The following TMEM132B variants were observed in gnomAD, a reference collection of about 807,000 sequenced individuals.
TMEM132B encodes the protein transmembrane protein 132B.
Under a neutral mutation model 90.8 loss-of-function variants are expected in TMEM132B, and 18 were observed. The ratio of observed to expected loss-of-function variants is 0.20; its 90% confidence interval spans 0.14 to 0.29. TMEM132B has a LOEUF of 0.29. Ranked by LOEUF, TMEM132B falls within the 10% of genes least tolerant of loss-of-function variation. The pLI is 1.00. For missense variants in TMEM132B, 1,096 were observed against 1,326.8 expected, an observed-to-expected ratio of 0.83 and a Z score of 2.70; for synonymous variants, 504 against 523.3, an observed-to-expected ratio of 0.96 and a Z score of 0.50.
chr12:125,513,172 A>G (rs1438810403), intron 3 of TMEM132B, among the ~76,000 whole-genome samples: 1 of 152,226 alleles, frequency 6.6e-6, no homozygotes, highest in Non-Finnish European at 1.5e-5. Flanking sequence ...CACTCGGCAC[A>G]TGCTCCTCTG....
At chr12:125,587,258 G>A (rs1462821346) in intron 5 of TMEM132B, 2 of 150,236 alleles carry the variant, frequency 1.3e-5, no homozygotes, top group Non-Finnish European at 3.0e-5. Context: ...AAGCCTTAGC[G>A]TTTTTATCAG....
At chr12:125,517,885 A>T (rs1197451802) in intron 3 of TMEM132B, among the ~76,000 whole-genome samples, 1 of 152,248 alleles carries the variant, frequency 6.6e-6, no homozygotes, top group Non-Finnish European at 1.5e-5. Flanking sequence ...ACCAAGGGCC[A>T]CATGTGGCTG....
intron 3 of TMEM132B, among the ~76,000 whole-genome samples, chr12:125,444,791 C>A (rs184390576): frequency 2.6e-5 from 4 of 152,062 alleles, no homozygotes; most frequent in Non-Finnish European, 5.9e-5. Flanking sequence ...TCTAAGTAAG[C>A]GAGATTATCC....
intron 4 of TMEM132B, among the ~76,000 whole-genome samples, chr12:125,552,858 G>A (rs1884270187): frequency 6.6e-6 from 1 of 152,252 alleles, no homozygotes; most frequent in Admixed American, 6.5e-5. Flanking sequence ...ACACGTCCCT[G>A]CACAGGGAGT....
chr12:125,364,776 G>A (rs1311505820), intron 2 of TMEM132B, among the ~76,000 whole-genome samples: 2 of 151,854 alleles, frequency 1.3e-5, no homozygotes, highest in East Asian at 3.8e-4. Flanking sequence ...AAATTGACTT[G>A]ATTTTATTTT....
chr12:125,242,874 G>C (rs1252554860), intron 1 of TMEM132B, among the ~76,000 whole-genome samples: 1 of 151,888 alleles, frequency 6.6e-6, no homozygotes, highest in East Asian at 1.9e-4. Context: ...TTTACCATTA[G>C]TGCCGACTGG....
chr12:125,515,506 C>T (rs1883116363), intron 3 of TMEM132B, among the ~76,000 whole-genome samples: 1 of 151,786 alleles, frequency 6.6e-6, no homozygotes, highest in South Asian at 2.1e-4. Context: ...TACATTGACA[C>T]ATTCGCTCAC....
chr12:125,268,458 C>T (rs139952814), intron 1 of TMEM132B, among the ~76,000 whole-genome samples: 11 of 152,270 alleles, frequency 7.2e-5, no homozygotes, highest in Non-Finnish European at 1.2e-4. Context: ...GGTGCATAGC[C>T]ATACAGTGGA....
intron 2 of TMEM132B, among the ~76,000 whole-genome samples, chr12:125,366,254 A>C (rs964270749): frequency 6.6e-6 from 1 of 152,086 alleles, no homozygotes; most frequent in Non-Finnish European, 1.5e-5. Context: ...TGTACACAGC[A>C]CATTTTCTTT....
At chr12:125,322,081 C>T (rs1321251837) in intron 1 of TMEM132B, among the ~76,000 whole-genome samples, 2 of 152,198 alleles carry the variant, frequency 1.3e-5, no homozygotes, top group African/African-American at 2.4e-5. Flanking sequence ...TATGGTTTGT[C>T]TGTGTCCCCA....
At chr12:125,367,240 T>C (rs144766987) in intron 2 of TMEM132B, among the ~76,000 whole-genome samples, 18 of 152,222 alleles carry the variant, frequency 1.2e-4, no homozygotes, top group Non-Finnish European at 2.1e-4. Flanking sequence ...CAATTTTTTA[T>C]TGTATCTTGA....
intron 4 of TMEM132B, among the ~76,000 whole-genome samples, chr12:125,525,417 T>C (rs1832257431): frequency 6.6e-6 from 1 of 152,192 alleles, no homozygotes; most frequent in African/African-American, 2.4e-5. Flanking sequence ...ATAAAAGGGT[T>C]GGAGGAAGCT....
At chr12:125,285,792 G>A (rs572642645) in intron 1 of TMEM132B, among the ~76,000 whole-genome samples, 8 of 152,300 alleles carry the variant, frequency 5.3e-5, no homozygotes, top group South Asian at 2.1e-4. Flanking sequence ...CTGGGGCGTC[G>A]CCAAGTGGCC....
In TMEM132B at chr12:125,442,968, A is replaced by T. The variant is rs1880915733; in HGVS notation, c.1106+27291A>T. ...TGAGTGTGAGAAAGTGGGCTAAACG[A>T]TGGATGTGGTTCTCCAGTTTCTCCT... On this transcript the variant is annotated intron_variant, in intron 3 of 8. Coordinates refer to ENST00000682704, the MANE Select transcript of TMEM132B (RefSeq NM_001366854.1). Among the ~76,000 whole-genome samples the T allele has an allele frequency of 5.3e-5, 8 of 152,210 alleles. No homozygotes were observed. In the South Asian group the frequency reaches 1.7e-3, roughly 32 times the overall value.
At chr12:125,509,241 C>T (rs1156537579) in intron 3 of TMEM132B, among the ~76,000 whole-genome samples, 1 of 152,182 alleles carries the variant, frequency 6.6e-6, no homozygotes, top group Non-Finnish European at 1.5e-5. Flanking sequence ...ACTGTGGTAT[C>T]AGAGGTGTGG....
intron 2 of TMEM132B, among the ~76,000 whole-genome samples, chr12:125,372,653 T>G (rs1878331687): frequency 6.6e-6 from 1 of 152,164 alleles, no homozygotes; most frequent in South Asian, 2.1e-4. Flanking sequence ...GAAATTCTGA[T>G]TGGGTTGGAA....
intron 1 of TMEM132B, among the ~76,000 whole-genome samples, chr12:125,296,174 T>C (rs1875668463): frequency 6.6e-6 from 1 of 152,196 alleles, no homozygotes; most frequent in South Asian, 2.1e-4. Flanking sequence ...GTCCTTATGG[T>C]GGCCCCACGG....
intron 1 of TMEM132B, among the ~76,000 whole-genome samples, chr12:125,333,073 C>T (rs139381739): frequency 6.6e-6 from 1 of 152,322 alleles, no homozygotes; most frequent in East Asian, 1.9e-4. Flanking sequence ...CTGTTGTTTC[C>T]TCTGAAGACT....
rs892533251 is a variant in TMEM132B at position 125,445,693 on chromosome 12, T to C, written c.1106+30016T>C. Among the ~76,000 whole-genome samples the C allele has an allele frequency of 2.0e-5, 3 of 152,198 alleles. No homozygotes were observed. Among genetic ancestry groups the C allele is most frequent in the Admixed American group, 6.5e-5 (1 of 15,292 alleles). On this transcript the variant is annotated intron_variant, in intron 3 of 8. Coordinates refer to ENST00000682704, the MANE Select transcript of TMEM132B (RefSeq NM_001366854.1). The surrounding 1 kb of genome is among the most constrained non-coding windows in gnomAD (Gnocchi z 4.3). The stretch of plus-strand genomic sequence containing the variant: ...CTGGCCAGGCCTGGGTACCATCTTG[T>C]TGGGGCCTTCTAGTGTGGACACTGT...
Sources: allele counts gnomAD v4.1 joint callset (sites outside exome capture counted in the v4.1 genomes callset), GRCh38; gene constraint gnomAD v4.1.1; non-coding constraint Gnocchi (gnomAD v3.1); transcripts MANE v1.5; gene names NCBI Gene and HGNC (gene_info 2026-07-23, HGNC 2026-07-21).